The following DZANK1 variants were observed in gnomAD, a reference collection of about 807,000 sequenced individuals.
DZANK1 encodes the protein double zinc ribbon and ankyrin repeat domains 1, also known as double zinc ribbon and ankyrin repeat-containing protein 1.
DZANK1 carries 91 observed loss-of-function variants against 94.5 expected under a neutral mutation model. That is an observed-to-expected ratio of 0.96 (90% confidence interval 0.81 to 1.15). The LOEUF (loss-of-function observed/expected upper bound fraction) is 1.15, where lower values mean the gene tolerates loss of function less well. Among genes scored for constraint, DZANK1 ranks in the 50% most tolerant of loss-of-function variants. The pLI is 0.00. For synonymous variants in DZANK1, 312 were observed against 325.3 expected, an observed-to-expected ratio of 0.96 and a Z score of 0.44; for missense variants, 903 against 916.4, an observed-to-expected ratio of 0.99 and a Z score of 0.19.
chr20:18,387,735 T>C (rs1024365510), intron 19 of DZANK1, among the ~76,000 whole-genome samples: 1 of 152,182 alleles, frequency 6.6e-6, no homozygotes, highest in Non-Finnish European at 1.5e-5. Flanking sequence ...GAATATGAGT[T>C]CATTCTGGTA....
chr20:18,445,728 C>T (rs1360889436), intron 7 of DZANK1, among the ~76,000 whole-genome samples: 1 of 151,920 alleles, frequency 6.6e-6, no homozygotes, highest in Admixed American at 6.6e-5. Flanking sequence ...TTGTGAAAAC[C>T]CCACCCCTGC....
chr20:18,404,969 G>A (rs1394862563), intron 13 of DZANK1, among the ~76,000 whole-genome samples: 1 of 151,362 alleles, frequency 6.6e-6, no homozygotes, highest in Non-Finnish European at 1.5e-5. Context: ...TGAGGTGGGA[G>A]GATTGCTTGA....
intron 11 of DZANK1, among the ~76,000 whole-genome samples, chr20:18,414,970 G>T (rs1302980244): frequency 6.6e-6 from 1 of 152,142 alleles, no homozygotes. Flanking sequence ...AGAGAGAGAG[G>T]AGACTAACCC....
At chr20:18,455,133 A>G in intron 4 of DZANK1, 114 bp downstream of exon 4, 1 of 721,278 alleles carries the variant, frequency 1.4e-6, no homozygotes, top group Non-Finnish European at 2.3e-6. Flanking sequence ...GACTTCAGTT[A>G]TAAGGACCTG....
At chr20:18,447,935 C>T (rs1478649632) in intron 7 of DZANK1, among the ~76,000 whole-genome samples, 1 of 152,054 alleles carries the variant, frequency 6.6e-6, no homozygotes, top group Non-Finnish European at 1.5e-5. Context: ...AAGGTATTTG[C>T]CCCAAGGGAA....
intron 11 of DZANK1, 42 bp from the exon 12 acceptor site, chr20:18,414,554 T>C: frequency 6.5e-7 from 1 of 1,548,058 alleles, no homozygotes; most frequent in Non-Finnish European, 8.7e-7. Flanking sequence ...AGAGTTATAA[T>C]TTCCTCATGT....
chr20:18,436,812 A>G (rs942289220), intron 8 of DZANK1, among the ~76,000 whole-genome samples: 1 of 152,200 alleles, frequency 6.6e-6, no homozygotes, highest in Non-Finnish European at 1.5e-5. Context: ...ACAAAGAGAA[A>G]ATACTGAAAG....
intron 7 of DZANK1, 113 bp downstream of exon 7, chr20:18,448,871 A>G (rs76988298): frequency 1.3e-6 from 1 of 758,156 alleles, no homozygotes; most frequent in Admixed American, 3.1e-5. Context: ...CGTCTCAAAA[A>G]AAAAAAAAAA....
chr20:18,436,995 A>C (rs1009519306), intron 8 of DZANK1, among the ~76,000 whole-genome samples: 2 of 152,192 alleles, frequency 1.3e-5, no homozygotes, highest in African/African-American at 4.8e-5. Flanking sequence ...AGACAGAGAG[A>C]AATGGCTATC....
At chr20:18,386,807 T>G (rs550790250) in intron 19 of DZANK1, among the ~76,000 whole-genome samples, 1 of 152,294 alleles carries the variant, frequency 6.6e-6, no homozygotes, top group African/African-American at 2.4e-5. Context: ...AAAGGCCAAC[T>G]GGGTGAATCA....
chr20:18,412,491 T>C (rs1357196264), intron 13 of DZANK1, among the ~76,000 whole-genome samples, 155 bp downstream of exon 13: 2 of 152,182 alleles, frequency 1.3e-5, no homozygotes, highest in South Asian at 2.1e-4. Flanking sequence ...GAGCTTCTTT[T>C]TCCAATACAA....
intron 9 of DZANK1, among the ~76,000 whole-genome samples, chr20:18,428,031 G>A (rs2058123504): frequency 6.6e-6 from 1 of 151,174 alleles, no homozygotes; most frequent in Admixed American, 6.6e-5. Context: ...GGCGCCTGTA[G>A]TCCCAGCTGC....
At chr20:18,408,389 C>A (rs2057065036) in intron 13 of DZANK1, among the ~76,000 whole-genome samples, 1 of 152,124 alleles carries the variant, frequency 6.6e-6, no homozygotes, top group Admixed American at 6.5e-5. Context: ...AGAAAACTAT[C>A]AACATTCAAG....
At chr20:18,404,555 C>A (rs117771900) in intron 13 of DZANK1, among the ~76,000 whole-genome samples, 14 of 152,060 alleles carry the variant, frequency 9.2e-5, no homozygotes, top group Non-Finnish European at 1.3e-4. Context: ...AGAGTTGATA[C>A]AATATATTAT....
At chr20:18,443,770 G>A (rs930053571) in intron 7 of DZANK1, among the ~76,000 whole-genome samples, 1 of 152,136 alleles carries the variant, frequency 6.6e-6, no homozygotes, top group Non-Finnish European at 1.5e-5. Flanking sequence ...GCTCTGGCTT[G>A]TCCTGTCACA....
chr20:18,452,484 G>A (rs967985621), intron 6 of DZANK1, 131 bp downstream of exon 6: 46 of 1,085,062 alleles, frequency 4.2e-5, no homozygotes, highest in Non-Finnish European at 5.4e-5. Context: ...GTCCAGTACA[G>A]TATTCCCAGC....
chr20:18,417,783 C>G (rs1253858808), intron 10 of DZANK1, among the ~76,000 whole-genome samples: 1 of 152,034 alleles, frequency 6.6e-6, no homozygotes, highest in Non-Finnish European at 1.5e-5. Flanking sequence ...CAAAAAACAA[C>G]TATAAAATCT....
chr20:18,428,461 A>G (rs149469390), intron 9 of DZANK1, among the ~76,000 whole-genome samples: 46 of 152,242 alleles, frequency 3.0e-4, no homozygotes, highest in African/African-American at 1.0e-3. Flanking sequence ...TGCTGGGATT[A>G]CAGGCGTGAG....
intron 19 of DZANK1, 150 bp from the exon 20 acceptor site, chr20:18,385,240 C>A: frequency 1.5e-6 from 1 of 682,570 alleles, no homozygotes. Flanking sequence ...CTGCCTTTCT[C>A]TTGGAGGAAT....
Sources: allele counts gnomAD v4.1 joint callset (sites outside exome capture counted in the v4.1 genomes callset), GRCh38; gene constraint gnomAD v4.1.1; transcripts MANE v1.5; gene names NCBI Gene and HGNC (gene_info 2026-07-23, HGNC 2026-07-21).